Variants in PATZ1 observed in about 807,000 individuals in gnomAD.
The protein encoded by PATZ1 is POZ-, AT hook-, and zinc finger-containing protein 1.
A neutral mutation model predicts 46.2 loss-of-function variants in PATZ1; 9 were observed. The ratio of observed to expected loss-of-function variants is 0.19; its 90% CI spans 0.12 to 0.34. The LOEUF is 0.34. PATZ1 is among the 10% of genes least tolerant of loss of function. The probability of loss-of-function intolerance (pLI) is 1.00; values close to 1 mark genes in which losing one functional copy is unlikely to be tolerated. For missense variants in PATZ1, 632 were observed against 923.0 expected, an observed-to-expected ratio of 0.68 and a Z score of 4.08; for synonymous variants, 426 against 378.6, an observed-to-expected ratio of 1.13 and a Z score of -1.45.
Position 31,327,349 on chromosome 22 carries a change from C to A in PATZ1, c.1646-40G>T, listed in dbSNP as rs1218802431. On this transcript the variant is annotated intron_variant, in intron 4 of 4. Coordinates refer to ENST00000266269, the MANE Select transcript of PATZ1 (RefSeq NM_014323.3). The surrounding 1 kb of genome is among the most constrained non-coding windows in gnomAD (Gnocchi z 4.2). ...AATATAGGAGAGCGATGAGGCCAGG[C>A]TCTGGAGATGCCCCCTCCTGGAGGG... 1.9e-6 allele frequency: 3 copies of A among 1,551,448 alleles called. No individual in the cohort carries two copies. Among genetic ancestry groups the A allele is most frequent in the Non-Finnish European group, 2.6e-6 (3 of 1,136,210 alleles).
chr22:31,328,736 C>A lies in PATZ1; in HGVS notation c.1645+51G>T. On this transcript the variant is annotated intron_variant, in intron 4 of 4. Coordinates refer to ENST00000266269, the MANE Select transcript of PATZ1 (RefSeq NM_014323.3). The surrounding 1 kb of genome is among the most constrained non-coding windows in gnomAD (Gnocchi z 4.8). The stretch of plus-strand genomic sequence containing the variant: ...CTCCCCACGCCCAGCCCAGCGCCCC[C>A]ACAACACAGTCTGCGCAGAGAAGCA... 1.9e-6 allele frequency: 3 copies of A among 1,586,460 alleles called. No individual in the cohort carries two copies. The highest frequency in any genetic ancestry group is 1.7e-5 in the Admixed American group (1 of 59,958).
At chr22:31,332,499 G>A (rs2145815088) in intron 3 of PATZ1, among the ~76,000 whole-genome samples, 1 of 152,306 alleles carries the variant, frequency 6.6e-6, no homozygotes, top group South Asian at 2.1e-4. Context: ...CAGAGACGAT[G>A]GTCTTATTAG....
Position 31,327,227 on chromosome 22 carries a change from C to A in PATZ1, c.1728G>T (p.Thr576=). 6.2e-7 allele frequency: 1 copy of A among 1,614,204 alleles called. No homozygotes were observed. Among genetic ancestry groups the A allele is most frequent in the South Asian group, 1.1e-5 (1 of 91,086 alleles). Residue 576 remains threonine, a synonymous_variant, in exon 5 of 5, where the codon ACG becomes ACT. Coordinates refer to ENST00000266269, the MANE Select transcript of PATZ1 (RefSeq NM_014323.3). This position sits in a 1 kb window ranked among gnomAD's most constrained non-coding sequence, Gnocchi z 4.2. ...GDLSDASDLK[T]PEKQSANGSF... ...AGCCATTGGCACTCTGCTTCTCTGG[C>A]GTCTTCAGGTCGCTGGCATCTGAGA... is the stretch of plus-strand genomic sequence containing the variant.
chr22:31,343,525 C>T (rs987280456), intron 1 of PATZ1: 4 of 773,216 alleles, frequency 5.2e-6, no homozygotes, highest in South Asian at 1.2e-4. Context: ...GGTTCCTGGT[C>T]GGGGCCCTCT....
At chr22:31,344,001 C>A (rs1263160170) in intron 1 of PATZ1, among the ~76,000 whole-genome samples, 1 of 152,210 alleles carries the variant, frequency 6.6e-6, no homozygotes, top group Admixed American at 6.5e-5. Context: ...CTCCCGCCCC[C>A]AGAGGGGGCC....
chr22:31,343,300 C>T, intron 1 of PATZ1: 1 of 1,053,602 alleles, frequency 9.5e-7, no homozygotes, highest in Non-Finnish European at 1.1e-6. Flanking sequence ...GCAGCCTTTC[C>T]AGGAGGGGAT....
At chr22:31,329,052 C>T in intron 3 of PATZ1, 128 bp from the exon 4 acceptor site, 1 of 946,130 alleles carries the variant, frequency 1.1e-6, no homozygotes, top group Non-Finnish European at 1.5e-6. Flanking sequence ...GGGGCCCCCT[C>T]CTGGCTCAAA....
rs746667136 is a variant in PATZ1 at position 31,345,434 on chromosome 22, C to A, written c.169G>T (p.Ala57Ser). 6.2e-7 allele frequency: 1 copy of A among 1,612,494 alleles called. No homozygotes were observed. The highest frequency in any genetic ancestry group is 1.1e-5 in the South Asian group (1 of 91,018). ...VGDESFPAHRAVLAACSEYFE... is the reference protein window; with the variant it reads ...VGDESFPAHRSVLAACSEYFE... ...TACTCGCTGCAGGCGGCCAGCACGG[C>A]GCGGTGCGCTGGGAAGCTCTCGTCG... Residue 57 changes from alanine to serine, a missense_variant, in exon 1 of 5, where the codon GCC (alanine) becomes TCC (serine). Physicochemically the swap from Ala to Ser is moderately conservative, Grantham distance 99. Coordinates refer to ENST00000266269, the MANE Select transcript of PATZ1 (RefSeq NM_014323.3). This position sits in a 1 kb window ranked among gnomAD's most constrained non-coding sequence, Gnocchi z 7.4.
Position 31,345,656 on chromosome 22 carries a change from T to A in PATZ1, c.-54A>T. 1 of 1,493,894 alleles carries A rather than the reference T, an allele frequency of 6.7e-7. No homozygotes were observed. Among genetic ancestry groups the A allele is most frequent in the South Asian group, 1.3e-5 (1 of 77,954 alleles). The allele number at this position is 1,493,894 out of a possible 1,614,324, so 92.5% of individuals were successfully genotyped here. On this transcript the variant is annotated 5_prime_UTR_variant, in exon 1 of 5. Transcript: ENST00000266269. The surrounding 1 kb of genome is among the most constrained non-coding windows in gnomAD (Gnocchi z 7.4). ...CGCTGCACCTGCCCGCCCCCTCCCT[T>A]CCCCTCAGCAGCGAGAAGCGGGGCG...
chr22:31,341,397 G>A, intron 2 of PATZ1: 1 of 1,535,128 alleles, frequency 6.5e-7, no homozygotes, highest in Non-Finnish European at 8.7e-7. Flanking sequence ...TCTCCAGGGA[G>A]GCCCAGGCTA....
chr22:31,344,922 AGGC>A lies in PATZ1; in HGVS notation c.678_680del (p.Leu226_Pro227delinsPhe), dbSNP rs1408508449. On this transcript the variant is annotated inframe_deletion, in exon 1 of 5. Coordinates refer to ENST00000266269, the MANE Select transcript of PATZ1 (RefSeq NM_014323.3). The stretch of plus-strand genomic sequence containing the variant: ...GCAAGCGGTCCACCCCAGGTAACAC[AGGC>A]AAAGAGGCTTGGCCTGCAATGGCTG... 6.2e-7 allele frequency: 1 copy of A among 1,613,602 alleles called. No homozygotes were observed. The highest frequency in any genetic ancestry group is 1.7e-5 in the Admixed American group (1 of 60,034).
In PATZ1 at chr22:31,328,759, G is replaced by A. The variant is rs200017357; in HGVS notation, c.1645+28C>T. 9.8e-5 allele frequency: 157 copies of A among 1,607,752 alleles called. No individual in the cohort carries two copies. Among genetic ancestry groups the A allele is most frequent in the Non-Finnish European group, 4.4e-5 (52 of 1,175,924 alleles). ...CCCACAACACAGTCTGCGCAGAGAAGCAAAGTGCAGAGCAAGGGGTCGCTT... is the reference window on the plus strand; with the variant it reads ...CCCACAACACAGTCTGCGCAGAGAAACAAAGTGCAGAGCAAGGGGTCGCTT... On this transcript the variant is annotated intron_variant, in intron 4 of 4. Coordinates refer to ENST00000266269, the MANE Select transcript of PATZ1 (RefSeq NM_014323.3). The surrounding 1 kb of genome is among the most constrained non-coding windows in gnomAD (Gnocchi z 4.8).
intron 3 of PATZ1, among the ~76,000 whole-genome samples, chr22:31,332,016 A>C (rs2049449966): frequency 6.6e-6 from 1 of 152,080 alleles, no homozygotes; most frequent in Admixed American, 6.5e-5. Flanking sequence ...GAGGCTGAGG[A>C]AGGAGAATCG....
chr22:31,335,670 G>A (rs1322258771), intron 3 of PATZ1, 22 bp downstream of exon 3: 1 of 1,610,162 alleles, frequency 6.2e-7, no homozygotes, highest in African/African-American at 1.3e-5. Flanking sequence ...CTCTGGAAGT[G>A]AGGAAACAGT....
At chr22:31,338,462 G>T (rs1008126389) in intron 2 of PATZ1, among the ~76,000 whole-genome samples, 14 of 152,232 alleles carry the variant, frequency 9.2e-5, no homozygotes, top group African/African-American at 3.4e-4. Context: ...AAGCACCATG[G>T]ATGCTTGCTC....
chr22:31,342,990 A>G (rs1320505464), intron 1 of PATZ1, 30 bp from the exon 2 acceptor site: 1 of 1,613,558 alleles, frequency 6.2e-7, no homozygotes, highest in Non-Finnish European at 8.5e-7. Flanking sequence ...GAGGGACTTT[A>G]GAAACTTGGC....
At position 31,326,702 on chromosome 22, in the gene PATZ1, G is replaced by A. The variant is rs1294142583; in HGVS notation, c.*189C>T. The A allele has an allele frequency of 5.1e-6, 3 of 585,834 alleles. No individual in the cohort carries two copies. Among genetic ancestry groups the A allele is most frequent in the Admixed American group, 3.1e-5 (1 of 31,908 alleles). 36.3% of individuals were successfully genotyped at this position (585,834 alleles called of 1,614,324 possible). On this transcript the variant is annotated 3_prime_UTR_variant, in exon 5 of 5. Transcript: ENST00000266269. ...TCATTGATATTTCTGCAGAATATCA[G>A]ATGAAAATCTATTTCTAAAGACCAT...
chr22:31,341,477 C>T (rs548611611), intron 2 of PATZ1: 80 of 1,611,294 alleles, frequency 5.0e-5, no homozygotes, highest in East Asian at 2.0e-4. Flanking sequence ...GATATCCCGG[C>T]GGGGCTGGGC....
intron 2 of PATZ1, among the ~76,000 whole-genome samples, chr22:31,337,476 C>G (rs754542861): frequency 3.9e-5 from 6 of 152,212 alleles, no homozygotes; most frequent in Non-Finnish European, 8.8e-5. Context: ...TGATCAGTCT[C>G]CTCACAACAT....
Sources: gnomAD v4.1 joint callset for allele counts (sites outside exome capture counted in the v4.1 genomes callset) on GRCh38, gnomAD v4.1.1 for gene constraint, Gnocchi (gnomAD v3.1) non-coding constraint, MANE v1.5 for transcripts, NCBI Gene and HGNC (gene_info 2026-07-23, HGNC 2026-07-21) for gene names.